Variants in NXPH1 observed in about 807,000 individuals in gnomAD.
NXPH1 encodes neurexophilin-1.
A neutral mutation model predicts 23.7 loss-of-function variants in NXPH1; 5 were observed. The observed-to-expected ratio is 0.21, with a 90% CI of 0.11 to 0.44. The LOEUF is 0.44. Among genes scored for constraint, NXPH1 ranks in the 20% least tolerant of loss-of-function variants. The pLI, the probability that NXPH1 is intolerant of heterozygous loss-of-function variation, is 0.99. For synonymous variants in NXPH1, 144 were observed against 122.2 expected (o/e 1.18, Z -1.18); for missense variants, 324 against 321.6 (o/e 1.01, Z -0.06).
chr7:8,681,935 C>G (rs1821056090), intron 2 of NXPH1, among the ~76,000 whole-genome samples: 1 of 152,150 alleles, frequency 6.6e-6, no homozygotes, highest in African/African-American at 2.4e-5. Flanking sequence ...TTCTAGAAAT[C>G]TGAAAGTTGA....
chr7:8,438,791 CTGG>C (rs781096108), intron 2 of NXPH1, among the ~76,000 whole-genome samples: 4 of 152,224 alleles, frequency 2.6e-5, no homozygotes, highest in Non-Finnish European at 4.4e-5. Context: ...AAGTATGTTT[CTGG>C]GCCCGGGATT....
At chr7:8,546,857 A>G (rs1486113869) in intron 2 of NXPH1, among the ~76,000 whole-genome samples, 2 of 151,548 alleles carry the variant, frequency 1.3e-5, no homozygotes, top group African/African-American at 4.8e-5. Flanking sequence ...CAACAACCAC[A>G]AGAACAGTAA....
At chr7:8,657,061 T>C (rs1488369876) in intron 2 of NXPH1, among the ~76,000 whole-genome samples, 1 of 152,232 alleles carries the variant, frequency 6.6e-6, no homozygotes, top group African/African-American at 2.4e-5. Flanking sequence ...TCTATGTACA[T>C]GATGTCCTAA....
chr7:8,441,116 C>G (rs1204236116), intron 2 of NXPH1, among the ~76,000 whole-genome samples: 1 of 152,088 alleles, frequency 6.6e-6, no homozygotes, highest in Non-Finnish European at 1.5e-5. Flanking sequence ...CCGTTAGGGG[C>G]TTCAGATCTC....
chr7:8,476,300 C>T (rs1816970619), intron 2 of NXPH1, among the ~76,000 whole-genome samples: 1 of 152,124 alleles, frequency 6.6e-6, no homozygotes, highest in South Asian at 2.1e-4. Flanking sequence ...CTTTCTCTGT[C>T]AGCTGACAAG....
chr7:8,449,942 C>T (rs1816475895), intron 2 of NXPH1, among the ~76,000 whole-genome samples: 1 of 152,192 alleles, frequency 6.6e-6, no homozygotes. Flanking sequence ...ATGATTGTGA[C>T]TGCAGCTTCT....
At chr7:8,655,878 C>G (rs1318144633) in intron 2 of NXPH1, among the ~76,000 whole-genome samples, 1 of 152,192 alleles carries the variant, frequency 6.6e-6, no homozygotes, top group Non-Finnish European at 1.5e-5. Flanking sequence ...TCCTTGATCT[C>G]TAGCAGAATT....
At chr7:8,455,666 C>T (rs1480443071) in intron 2 of NXPH1, among the ~76,000 whole-genome samples, 1 of 152,198 alleles carries the variant, frequency 6.6e-6, no homozygotes, top group Non-Finnish European at 1.5e-5. Context: ...GGAATTTCAA[C>T]TGTCATAGGC....
chr7:8,601,490 A>G (rs957743497), intron 2 of NXPH1, among the ~76,000 whole-genome samples: 1 of 152,226 alleles, frequency 6.6e-6, no homozygotes, highest in Non-Finnish European at 1.5e-5. Flanking sequence ...CTTCAGGATG[A>G]AAAGTTCTCA....
At chr7:8,533,536 A>G (rs1456556631) in intron 2 of NXPH1, among the ~76,000 whole-genome samples, 1 of 152,182 alleles carries the variant, frequency 6.6e-6, no homozygotes, top group Non-Finnish European at 1.5e-5. Flanking sequence ...CATGAAGAAA[A>G]TGTTTAAAAA....
At chr7:8,484,344 C>A (rs373062676) in intron 2 of NXPH1, among the ~76,000 whole-genome samples, 1 of 151,894 alleles carries the variant, frequency 6.6e-6, no homozygotes, top group Non-Finnish European at 1.5e-5. Context: ...ATACTTGGTC[C>A]GCTTTATTCA....
intron 2 of NXPH1, among the ~76,000 whole-genome samples, chr7:8,633,540 A>C (rs1435802149): frequency 6.6e-6 from 1 of 152,238 alleles, no homozygotes; most frequent in Admixed American, 6.5e-5. Flanking sequence ...TTCTCAGTAG[A>C]ATACTGAATT....
intron 2 of NXPH1, among the ~76,000 whole-genome samples, chr7:8,657,229 A>G (rs909050741): frequency 1.3e-5 from 2 of 152,266 alleles, no homozygotes; most frequent in East Asian, 1.9e-4. Context: ...AACCAGCACC[A>G]TAAATGCCAT....
chr7:8,528,775 C>A (rs751667695), intron 2 of NXPH1, among the ~76,000 whole-genome samples: 2 of 152,076 alleles, frequency 1.3e-5, no homozygotes, highest in Non-Finnish European at 2.9e-5. Flanking sequence ...CCCAGGTGGA[C>A]CTTGAAATAA....
intron 2 of NXPH1, among the ~76,000 whole-genome samples, chr7:8,736,767 CTT>C (rs1262655161): frequency 1.3e-5 from 2 of 152,116 alleles, no homozygotes; most frequent in African/African-American, 4.8e-5. Flanking sequence ...GTCTAAGTCT[CTT>C]TTTAGGTGTC....
At chr7:8,566,767 C>G (rs984391858) in intron 2 of NXPH1, among the ~76,000 whole-genome samples, 1 of 151,788 alleles carries the variant, frequency 6.6e-6, no homozygotes, top group Non-Finnish European at 1.5e-5. Context: ...CACAGAGTCT[C>G]CAGCTTACAG....
At chr7:8,702,375 T>G (rs1356313362) in intron 2 of NXPH1, among the ~76,000 whole-genome samples, 1 of 152,124 alleles carries the variant, frequency 6.6e-6, no homozygotes, top group Non-Finnish European at 1.5e-5. Context: ...GTGTTATGTT[T>G]CACTTATTCA....
At chr7:8,699,707 A>T (rs1429603606) in intron 2 of NXPH1, among the ~76,000 whole-genome samples, 1 of 152,148 alleles carries the variant, frequency 6.6e-6, no homozygotes, top group Admixed American at 6.5e-5. Flanking sequence ...AGTTAAAATA[A>T]TCTGTCTTCC....
At chr7:8,712,425 A>G (rs1004847050) in intron 2 of NXPH1, among the ~76,000 whole-genome samples, 116 of 152,206 alleles carry the variant, frequency 7.6e-4, no homozygotes, top group Non-Finnish European at 1.8e-4. Context: ...TGCTTTGACA[A>G]ATGAGTAGCT....
Sources: allele counts gnomAD v4.1 joint callset (sites outside exome capture counted in the v4.1 genomes callset), GRCh38; gene constraint gnomAD v4.1.1; transcripts MANE v1.5; gene names NCBI Gene and HGNC (gene_info 2026-07-23, HGNC 2026-07-21).